RIC8B: variants seen among roughly 807,000 people sequenced by gnomAD.
The protein encoded by RIC8B is RIC8 guanine nucleotide exchange factor B, also known as chaperone Ric-8B.
In RIC8B, 16 loss-of-function variants were observed where a neutral mutation model predicts 57.5. The observed-to-expected ratio is 0.28, with a 90% CI of 0.19 to 0.42. The LOEUF (loss-of-function observed/expected upper bound fraction) is 0.42, where lower values mean the gene tolerates loss of function less well. Among genes scored for constraint, RIC8B ranks in the 10% least tolerant of loss-of-function variants. RIC8B has a pLI of 1.00. For missense variants in RIC8B, 481 were observed against 677.0 expected, an observed-to-expected ratio of 0.71 and a Z score of 3.21; for synonymous variants, 216 against 250.8, an observed-to-expected ratio of 0.86 and a Z score of 1.31.
chr12:106,845,746 T>TGG (rs1949158882), intron 6 of RIC8B, among the ~76,000 whole-genome samples: 1 of 152,212 alleles, frequency 6.6e-6, no homozygotes, highest in African/African-American at 2.4e-5. Flanking sequence ...AAGAGTTCTC[T>TGG]GTACTCACTC....
intron 9 of RIC8B, chr12:106,880,023 A>G (rs992846627): frequency 2.3e-6 from 2 of 871,376 alleles, no homozygotes; most frequent in Non-Finnish European, 2.8e-6. Context: ...TCTCCGTTTT[A>G]CCATGATATA....
chr12:106,805,051 G>T (rs1293491287), intron 2 of RIC8B, among the ~76,000 whole-genome samples: 1 of 152,226 alleles, frequency 6.6e-6, no homozygotes, highest in Non-Finnish European at 1.5e-5. Flanking sequence ...GTAGTTGAAT[G>T]TGAGTTTTAG....
chr12:106,833,936 C>T (rs772106557), intron 4 of RIC8B, among the ~76,000 whole-genome samples: 1 of 152,164 alleles, frequency 6.6e-6, no homozygotes, highest in South Asian at 2.1e-4. Flanking sequence ...CCTTCTCCCC[C>T]TCTTTCTTGC....
rs1355412670 is a variant in RIC8B at position 106,886,230 on chromosome 12, G to C, written c.*215G>C. ...GAGCTGCAGTTAGACGGGGTTACGGGGGCTAAAAGCAGAAAAAAAATTCCA... is the reference window on the plus strand; with the variant it reads ...GAGCTGCAGTTAGACGGGGTTACGGCGGCTAAAAGCAGAAAAAAAATTCCA... On this transcript the variant is annotated 3_prime_UTR_variant, in exon 10 of 10. Transcript: ENST00000392837. 3 of 458,078 alleles carry C rather than the reference G, an allele frequency of 6.5e-6. No individual in the cohort carries two copies. Among genetic ancestry groups the C allele is most frequent in the Non-Finnish European group, 1.2e-5 (3 of 259,734 alleles). 28.4% of individuals were successfully genotyped at this position (458,078 alleles called of 1,614,324 possible). A position where few individuals can be genotyped will look rare whatever the true frequency, so the allele number is the denominator to read the frequency against.
chr12:106,880,356 A>C (rs1024707892), intron 9 of RIC8B, among the ~76,000 whole-genome samples: 9 of 152,276 alleles, frequency 5.9e-5, no homozygotes, highest in Non-Finnish European at 1.3e-4. Context: ...GCAGCTTTTT[A>C]AATAGATCAA....
At chr12:106,873,042 A>G (rs1950514042) in intron 9 of RIC8B, 19 of 985,326 alleles carry the variant, frequency 1.9e-5, no homozygotes, top group Non-Finnish European at 2.2e-5. Context: ...GGGAATCCAC[A>G]TATTCTAGAA....
Position 106,879,363 on chromosome 12 carries a change from G to A in RIC8B, c.1572-6541G>A, listed in dbSNP as rs1454090023. ...TGTGCGATTGGGTATGTTAGTATCTGAACCCCAATTTTGCACTGTCATTTT... is the reference window on the plus strand; with the variant it reads ...TGTGCGATTGGGTATGTTAGTATCTAAACCCCAATTTTGCACTGTCATTTT... On this transcript the variant is annotated intron_variant, in intron 9 of 9. Coordinates refer to ENST00000392837, the MANE Select transcript of RIC8B (RefSeq NM_001330145.2). The surrounding 1 kb of genome is among the most constrained non-coding windows in gnomAD (Gnocchi z 4.9). The A allele has an allele frequency of 1.0e-6, 1 of 985,124 alleles. No homozygotes were observed. The highest frequency in any genetic ancestry group is 1.1e-4 in the East Asian group (1 of 8,812). The allele number at this position is 985,124 out of a possible 1,614,324, so 61.0% of individuals were successfully genotyped here.
chr12:106,846,296 C>T (rs1046392295), intron 6 of RIC8B, among the ~76,000 whole-genome samples: 3 of 152,178 alleles, frequency 2.0e-5, no homozygotes, highest in Admixed American at 1.3e-4. Flanking sequence ...CATTTCAATA[C>T]GTGGTACCAC....
intron 9 of RIC8B, among the ~76,000 whole-genome samples, chr12:106,872,314 C>T (rs930738401): frequency 1.3e-5 from 2 of 152,200 alleles, no homozygotes; most frequent in African/African-American, 2.4e-5. Flanking sequence ...TGCTTGGCCA[C>T]TTCCAGGAGG....
Position 106,786,026 on chromosome 12 carries a change from T to C in RIC8B, c.132+1982T>C, listed in dbSNP as rs140730748. Among the ~76,000 whole-genome samples the C allele has an allele frequency of 2.5e-3, 378 of 151,914 alleles. 1 individual carries two copies. Among genetic ancestry groups the C allele is most frequent in the African/African-American group, 8.3e-3 (345 of 41,382 alleles). ...CATGCCCAGCCAATTTTTAAATTTT[T>C]TGTAGAGACGGGCTCTCACTCTGTT... is the stretch of plus-strand genomic sequence containing the variant. On this transcript the variant is annotated intron_variant, in intron 2 of 9. Transcript: ENST00000392837.
intron 6 of RIC8B, among the ~76,000 whole-genome samples, chr12:106,847,854 T>C (rs955303562): frequency 6.6e-6 from 1 of 152,218 alleles, no homozygotes; most frequent in South Asian, 2.1e-4. Context: ...AATTAATTCA[T>C]TTTTCCTTCA....
At chr12:106,834,009 C>T (rs2046475216) in intron 4 of RIC8B, among the ~76,000 whole-genome samples, 3 of 152,160 alleles carry the variant, frequency 2.0e-5, no homozygotes, top group Non-Finnish European at 2.9e-5. Context: ...TGTAAGCTTC[C>T]TGAGACCCTC....
At chr12:106,819,803 A>T (rs1333236599) in intron 3 of RIC8B, among the ~76,000 whole-genome samples, 1 of 148,514 alleles carries the variant, frequency 6.7e-6, no homozygotes, top group South Asian at 2.1e-4. Context: ...TATATAAAAT[A>T]TATAAAATAC....
intron 8 of RIC8B, among the ~76,000 whole-genome samples, chr12:106,860,644 C>T (rs967033848): frequency 6.6e-6 from 1 of 152,108 alleles, no homozygotes; most frequent in African/African-American, 2.4e-5. Context: ...TATCTTCTCC[C>T]AAGTACTAAG....
At chr12:106,834,977 C>CT (rs1259631441) in intron 4 of RIC8B, among the ~76,000 whole-genome samples, 10 of 104,580 alleles carry the variant, frequency 9.6e-5, no homozygotes, top group Admixed American at 8.6e-4. Flanking sequence ...GAGCGAGACT[C>CT]TGTCTCAAAA....
At chr12:106,847,827 T>C (rs1246072103) in intron 6 of RIC8B, among the ~76,000 whole-genome samples, 3 of 152,202 alleles carry the variant, frequency 2.0e-5, no homozygotes, top group Admixed American at 2.0e-4. Flanking sequence ...TAGAAGGCAC[T>C]TAATAAAAGC....
intron 3 of RIC8B, among the ~76,000 whole-genome samples, chr12:106,822,077 CAAAA>C (rs67378158): frequency 1.1e-4 from 4 of 38,038 alleles, no homozygotes; most frequent in African/African-American, 3.5e-4. Context: ...GACTCCATCT[CAAAA>C]AAAAAAAAAA....
intron 4 of RIC8B, among the ~76,000 whole-genome samples, chr12:106,834,219 T>A (rs1248191731): frequency 6.6e-6 from 1 of 152,252 alleles, no homozygotes; most frequent in Non-Finnish European, 1.5e-5. Flanking sequence ...AACTAGTTTC[T>A]TGTCAGATCT....
chr12:106,854,719 G>A (rs1949641749), intron 7 of RIC8B, among the ~76,000 whole-genome samples: 1 of 152,146 alleles, frequency 6.6e-6, no homozygotes, highest in South Asian at 2.1e-4. Context: ...AACCCGGGAG[G>A]TGGAGGTTGC....
Sources: gnomAD v4.1 joint callset for allele counts (sites outside exome capture counted in the v4.1 genomes callset) on GRCh38, gnomAD v4.1.1 for gene constraint, Gnocchi (gnomAD v3.1) non-coding constraint, MANE v1.5 for transcripts, NCBI Gene and HGNC (gene_info 2026-07-23, HGNC 2026-07-21) for gene names.